SCUBE1: variants seen among roughly 807,000 people sequenced by gnomAD.
SCUBE1 encodes the protein signal peptide, CUB and EGF-like domain-containing protein 1.
Under a neutral mutation model 124.4 loss-of-function variants are expected in SCUBE1, and 59 were observed. The ratio of observed to expected loss-of-function variants is 0.47; its 90% CI spans 0.38 to 0.59. The LOEUF is 0.59. Among genes scored for constraint, SCUBE1 ranks in the 20% least tolerant of loss-of-function variants. The probability of loss-of-function intolerance (pLI) is 0.00; values close to 1 mark genes in which losing one functional copy is unlikely to be tolerated. For missense variants in SCUBE1, 1,150 were observed against 1,371.2 expected (o/e 0.84, Z 2.55); for synonymous variants, 545 against 550.9 (o/e 0.99, Z 0.15).
intron 1 of SCUBE1, 151 bp from the exon 2 acceptor site, chr22:43,339,386 G>C (rs779171701): frequency 9.9e-6 from 7 of 707,474 alleles, no homozygotes; most frequent in Non-Finnish European, 1.6e-5. Flanking sequence ...AATCTGGTGT[G>C]ACAAGTGGCA....
chr22:43,255,027 C>T lies in SCUBE1; in HGVS notation c.727+3192G>A, dbSNP rs893419203. On this transcript the variant is annotated intron_variant, in intron 6 of 21. Coordinates refer to ENST00000360835, the MANE Select transcript of SCUBE1 (RefSeq NM_173050.5). This position sits in a 1 kb window ranked among gnomAD's most constrained non-coding sequence, Gnocchi z 4.7. ...AGGAGTGGAGATGGGTAAGGACTCT[C>T]CTGCCCTGACCCGTCTACTCAAATG... Among the ~76,000 whole-genome samples, 4 of 152,210 alleles carry T rather than the reference C, an allele frequency of 2.6e-5. No homozygotes were observed. Among genetic ancestry groups the T allele is most frequent in the Non-Finnish European group, 5.9e-5 (4 of 68,036 alleles).
At chr22:43,251,772 T>C (rs933316920) in intron 6 of SCUBE1, among the ~76,000 whole-genome samples, 6 of 152,200 alleles carry the variant, frequency 3.9e-5, no homozygotes, top group African/African-American at 1.4e-4. Context: ...ATAATAAACG[T>C]GCGTCGTCTT....
chr22:43,215,613 T>C (rs1388104864), intron 15 of SCUBE1, among the ~76,000 whole-genome samples: 1 of 152,176 alleles, frequency 6.6e-6, no homozygotes, highest in Non-Finnish European at 1.5e-5. Context: ...GCCTCGAAGC[T>C]GAGGTTCCTG....
chr22:43,236,940 G>A (rs1311411431), intron 7 of SCUBE1, among the ~76,000 whole-genome samples: 2 of 152,236 alleles, frequency 1.3e-5, no homozygotes, highest in South Asian at 2.1e-4. Flanking sequence ...GCGAGCGAGT[G>A]AGATGATCTC....
At chr22:43,297,212 G>A (rs1396061390) in intron 3 of SCUBE1, among the ~76,000 whole-genome samples, 1 of 152,248 alleles carries the variant, frequency 6.6e-6, no homozygotes, top group Non-Finnish European at 1.5e-5. Context: ...GCTCCCATGA[G>A]ACAGCCCTGG....
chr22:43,248,633 C>G (rs576678581), intron 6 of SCUBE1, among the ~76,000 whole-genome samples: 34 of 152,342 alleles, frequency 2.2e-4, no homozygotes, highest in Non-Finnish European at 4.6e-4. Flanking sequence ...TAACAGGAGC[C>G]CAGTCCCTGG....
At chr22:43,265,335 G>A (rs1924022213) in intron 4 of SCUBE1, among the ~76,000 whole-genome samples, 1 of 152,228 alleles carries the variant, frequency 6.6e-6, no homozygotes, top group African/African-American at 2.4e-5. Context: ...ACTATGGACT[G>A]CAGTAACCCA....
At chr22:43,317,540 C>A (rs1405683214) in intron 3 of SCUBE1, among the ~76,000 whole-genome samples, 1 of 152,200 alleles carries the variant, frequency 6.6e-6, no homozygotes, top group Non-Finnish European at 1.5e-5. Flanking sequence ...GAGACCCAGA[C>A]AATCAATAAT....
intron 4 of SCUBE1, among the ~76,000 whole-genome samples, chr22:43,278,838 C>T (rs1924641834): frequency 2.6e-5 from 4 of 152,170 alleles, no homozygotes; most frequent in Admixed American, 6.5e-5. Flanking sequence ...GAGCATCAGG[C>T]GACCCTGTAT....
intron 4 of SCUBE1, among the ~76,000 whole-genome samples, chr22:43,274,618 G>A (rs1924425126): frequency 6.6e-6 from 1 of 152,238 alleles, no homozygotes; most frequent in Non-Finnish European, 1.5e-5. Flanking sequence ...TCCCAAAAGT[G>A]TTCCCACAGC....
chr22:43,240,192 C>G (rs191824386), intron 6 of SCUBE1, among the ~76,000 whole-genome samples: 1 of 152,146 alleles, frequency 6.6e-6, no homozygotes, highest in South Asian at 2.1e-4. Context: ...CCATCACCAC[C>G]GTAGGATGAG....
At chr22:43,314,403 A>C (rs552631047) in intron 3 of SCUBE1, among the ~76,000 whole-genome samples, 2 of 152,224 alleles carry the variant, frequency 1.3e-5, no homozygotes, top group South Asian at 4.2e-4. Flanking sequence ...CCACAGTGAG[A>C]TGTGAGCGAG....
At chr22:43,338,579 G>T (rs1297429940) in intron 2 of SCUBE1, among the ~76,000 whole-genome samples, 1 of 151,988 alleles carries the variant, frequency 6.6e-6, no homozygotes, top group Non-Finnish European at 1.5e-5. Context: ...AAGCTGGAGT[G>T]CAGTGGCGCC....
intron 4 of SCUBE1, among the ~76,000 whole-genome samples, chr22:43,274,531 A>T (rs1364801290): frequency 6.6e-6 from 1 of 152,188 alleles, no homozygotes; most frequent in African/African-American, 2.4e-5. Context: ...TGCCACGAAC[A>T]GGGAAAAGGT....
At chr22:43,229,290 A>G in intron 8 of SCUBE1, 102 bp from the exon 9 acceptor site, 1 of 845,516 alleles carries the variant, frequency 1.2e-6, no homozygotes, top group South Asian at 1.4e-5. Context: ...CTGTGGACAC[A>G]CAGTCCCTGG....
intron 4 of SCUBE1, among the ~76,000 whole-genome samples, chr22:43,269,419 T>C (rs938970908): frequency 2.0e-5 from 3 of 152,196 alleles, no homozygotes; most frequent in East Asian, 3.9e-4. Flanking sequence ...AGCAGGGCAG[T>C]GCGGCCCAGC....
At chr22:43,287,790 G>C (rs9612034) in intron 4 of SCUBE1, among the ~76,000 whole-genome samples, 33,725 of 152,212 alleles carry the variant, frequency 0.22, 4,514 homozygotes, top group East Asian at 0.5. Context: ...AAAACAAGCT[G>C]AGTCTTAGCT....
intron 3 of SCUBE1, among the ~76,000 whole-genome samples, chr22:43,295,552 C>T (rs898625097): frequency 1.9e-4 from 29 of 152,346 alleles, no homozygotes; most frequent in African/African-American, 7.0e-4. Flanking sequence ...TCCCACTGGG[C>T]ACGAGGGGGG....
chr22:43,324,745 C>T (rs1322194825), intron 2 of SCUBE1, among the ~76,000 whole-genome samples: 4 of 151,410 alleles, frequency 2.6e-5, no homozygotes, highest in East Asian at 3.9e-4. Context: ...AGCCAGAGAA[C>T]GAGAAACAGG....
Sources: allele counts gnomAD v4.1 joint callset (sites outside exome capture counted in the v4.1 genomes callset), GRCh38; gene constraint gnomAD v4.1.1; non-coding constraint Gnocchi (gnomAD v3.1); transcripts MANE v1.5; gene names NCBI Gene and HGNC (gene_info 2026-07-23, HGNC 2026-07-21).